CACNA2D1: variants seen among roughly 807,000 people sequenced by gnomAD.
The protein encoded by CACNA2D1 is voltage-dependent calcium channel subunit alpha-2/delta-1.
A neutral mutation model predicts 171.5 loss-of-function variants in CACNA2D1; 53 were observed. The observed-to-expected ratio is 0.31, with a 90% CI of 0.25 to 0.39. CACNA2D1 has a LOEUF of 0.39. Ranked by LOEUF, CACNA2D1 falls within the 10% of genes least tolerant of loss-of-function variation. CACNA2D1 has a pLI of 1.00. For synonymous variants in CACNA2D1, 442 were observed against 443.1 expected (o/e 1.00, Z 0.03); for missense variants, 903 against 1,299.8 (o/e 0.69, Z 4.69).
At chr7:81,983,286 A>C in intron 23 of CACNA2D1, 28 bp downstream of exon 23, 1 of 1,586,416 alleles carries the variant, frequency 6.3e-7, no homozygotes, top group Non-Finnish European at 8.7e-7. Context: ...CTAAACAGAA[A>C]GAAGTTGAGC....
At chr7:82,322,471 A>T (rs906549792) in intron 3 of CACNA2D1, among the ~76,000 whole-genome samples, 128 of 147,742 alleles carry the variant, frequency 8.7e-4, no homozygotes, top group African/African-American at 3.0e-3. Flanking sequence ...AAAAAAAAAA[A>T]TTAAAATTAG....
At chr7:82,012,578 G>C (rs190570398) in intron 14 of CACNA2D1, among the ~76,000 whole-genome samples, 1 of 152,028 alleles carries the variant, frequency 6.6e-6, no homozygotes, top group Non-Finnish European at 1.5e-5. Flanking sequence ...ACTATTTAAG[G>C]CTCTGTGATT....
chr7:82,259,737 C>G (rs1454122159), intron 3 of CACNA2D1, among the ~76,000 whole-genome samples: 1 of 152,172 alleles, frequency 6.6e-6, no homozygotes, highest in Non-Finnish European at 1.5e-5. Context: ...ACTGCATAAA[C>G]TGCAGTGGTT....
intron 6 of CACNA2D1, among the ~76,000 whole-genome samples, chr7:82,105,075 ACT>A (rs1309295211): frequency 6.6e-6 from 1 of 151,840 alleles, no homozygotes; most frequent in Non-Finnish European, 1.5e-5. Flanking sequence ...GATGAAAAAC[ACT>A]GTCTTATTCT....
rs567032881 is a variant in CACNA2D1 at position 82,328,444 on chromosome 7, A to G, written c.294+6691T>C. Among the ~76,000 whole-genome samples the G allele has an allele frequency of 1.6e-4, 24 of 152,186 alleles. No homozygotes were observed. The East Asian group carries it at 4.5e-3, about 28-fold the overall frequency. On this transcript the variant is annotated intron_variant, in intron 3 of 38. Transcript: ENST00000356860. ...TTCCTCAGTAATTTTACTTACCCAT[A>G]ATAGACTCCTTTCACCTTTTCTTAC...
At chr7:82,213,843 C>A (rs556949139) in intron 3 of CACNA2D1, among the ~76,000 whole-genome samples, 1 of 152,122 alleles carries the variant, frequency 6.6e-6, no homozygotes, top group Non-Finnish European at 1.5e-5. Context: ...TACCCCTTTT[C>A]CACCTGTCTT....
At chr7:82,037,939 C>T in intron 11 of CACNA2D1, 138 bp downstream of exon 11, 1 of 756,080 alleles carries the variant, frequency 1.3e-6, no homozygotes, top group Non-Finnish European at 2.2e-6. Flanking sequence ...AAGGTTTCTT[C>T]TGCCTGCACA....
chr7:81,981,410 G>C (rs1427248033), intron 24 of CACNA2D1, among the ~76,000 whole-genome samples: 1 of 152,066 alleles, frequency 6.6e-6, no homozygotes, highest in African/African-American at 2.4e-5. Context: ...AAGGATACGG[G>C]CATTCAAAAA....
chr7:82,002,339 C>A (rs1562851567), intron 18 of CACNA2D1, among the ~76,000 whole-genome samples: 1 of 152,124 alleles, frequency 6.6e-6, no homozygotes, highest in Non-Finnish European at 1.5e-5. Flanking sequence ...ACCAATCTGT[C>A]CAAGCCTTCA....
At chr7:82,264,724 C>A (rs1807592740) in intron 3 of CACNA2D1, among the ~76,000 whole-genome samples, 1 of 152,202 alleles carries the variant, frequency 6.6e-6, no homozygotes, top group Non-Finnish European at 1.5e-5. Flanking sequence ...CACAGCTGCA[C>A]TTTCCTACTC....
intron 4 of CACNA2D1, among the ~76,000 whole-genome samples, chr7:82,163,973 A>G (rs1170970460): frequency 1.3e-5 from 2 of 151,910 alleles, no homozygotes; most frequent in Non-Finnish European, 2.9e-5. Flanking sequence ...GAGTTTTTAG[A>G]TTAAAAAAAT....
chr7:82,268,370 C>T (rs962406926), intron 3 of CACNA2D1, among the ~76,000 whole-genome samples: 10 of 152,040 alleles, frequency 6.6e-5, no homozygotes, highest in Non-Finnish European at 8.8e-5. Context: ...ATGATATAAC[C>T]TTTAAAGGTT....
intron 10 of CACNA2D1, among the ~76,000 whole-genome samples, chr7:82,040,885 G>A (rs1391763896): frequency 6.6e-6 from 1 of 152,128 alleles, no homozygotes; most frequent in Non-Finnish European, 1.5e-5. Flanking sequence ...TGAGGCAGGA[G>A]AATCACTTGA....
intron 3 of CACNA2D1, among the ~76,000 whole-genome samples, chr7:82,282,974 T>C (rs1455262267): frequency 6.6e-6 from 1 of 152,192 alleles, no homozygotes; most frequent in Non-Finnish European, 1.5e-5. Context: ...ATGGTGACTA[T>C]GCATTCAGAA....
intron 18 of CACNA2D1, among the ~76,000 whole-genome samples, chr7:82,003,982 T>C (rs1194712253): frequency 6.6e-6 from 1 of 152,128 alleles, no homozygotes; most frequent in East Asian, 1.9e-4. Flanking sequence ...TGCCCTCAGG[T>C]GATCTGCCCG....
At chr7:82,307,372 GT>G in intron 3 of CACNA2D1, among the ~76,000 whole-genome samples, 1 of 151,522 alleles carries the variant, frequency 6.6e-6, no homozygotes, top group Non-Finnish European at 1.5e-5. Flanking sequence ...GGCCGGGCTG[GT>G]TCTGAACTCC....
At chr7:82,293,428 G>A (rs1811901991) in intron 3 of CACNA2D1, among the ~76,000 whole-genome samples, 1 of 152,088 alleles carries the variant, frequency 6.6e-6, no homozygotes, top group Non-Finnish European at 1.5e-5. Context: ...TTCTGCATGG[G>A]CAGGTTTGCT....
intron 4 of CACNA2D1, among the ~76,000 whole-genome samples, chr7:82,154,715 G>A (rs979024955): frequency 2.0e-5 from 3 of 152,126 alleles, no homozygotes; most frequent in Non-Finnish European, 4.4e-5. Context: ...GCCATATTCT[G>A]TTTTCAGATT....
intron 24 of CACNA2D1, among the ~76,000 whole-genome samples, chr7:81,980,227 G>A (rs1303411520): frequency 4.3e-5 from 6 of 139,258 alleles, no homozygotes; most frequent in Non-Finnish European, 9.1e-5. Flanking sequence ...ACTGAAAGAC[G>A]TTAGTATGGA....
Sources: gnomAD v4.1 joint callset for allele counts (sites outside exome capture counted in the v4.1 genomes callset) on GRCh38, gnomAD v4.1.1 for gene constraint, MANE v1.5 for transcripts, NCBI Gene and HGNC (gene_info 2026-07-23, HGNC 2026-07-21) for gene names.